The following ARMH4 variants were observed in gnomAD, a reference collection of about 807,000 sequenced individuals.
ARMH4 encodes the protein armadillo like helical domain containing 4, also known as armadillo-like helical domain-containing protein 4.
ARMH4 carries 49 observed loss-of-function variants against 61.9 expected under a neutral mutation model. The ratio of observed to expected loss-of-function variants is 0.79; its 90% CI spans 0.63 to 1.00. The LOEUF (loss-of-function observed/expected upper bound fraction) is 1.00, where lower values mean the gene tolerates loss of function less well. ARMH4 is among the 50% of genes least tolerant of loss of function. The pLI is 0.00. For missense variants in ARMH4, 934 were observed against 930.0 expected (o/e 1.00, Z -0.06); for synonymous variants, 368 against 341.5 (o/e 1.08, Z -0.85).
intron 4 of ARMH4, among the ~76,000 whole-genome samples, chr14:58,110,397 G>A (rs898238741): frequency 3.3e-5 from 5 of 152,062 alleles, no homozygotes; most frequent in African/African-American, 7.2e-5. Context: ...ATTAACTATA[G>A]TCACCATGTT....
At chr14:58,064,470 C>T (rs1884638376) in intron 5 of ARMH4, among the ~76,000 whole-genome samples, 1 of 152,166 alleles carries the variant, frequency 6.6e-6, no homozygotes, top group Non-Finnish European at 1.5e-5. Context: ...AAACACACAA[C>T]TATTTATACA....
intron 5 of ARMH4, among the ~76,000 whole-genome samples, chr14:58,058,362 A>G (rs1884417156): frequency 6.6e-6 from 1 of 152,202 alleles, no homozygotes; most frequent in East Asian, 1.9e-4. Flanking sequence ...CAAGTTTATT[A>G]AGAAAGTAAA....
intron 5 of ARMH4, among the ~76,000 whole-genome samples, chr14:58,023,917 A>G (rs1009813540): frequency 3.3e-5 from 5 of 152,108 alleles, no homozygotes; most frequent in African/African-American, 1.2e-4. Flanking sequence ...TTTTTCTGAG[A>G]GTAGGTCTCA....
chr14:58,012,155 G>A lies in ARMH4; in HGVS notation c.2090-5C>T. On this transcript the variant is annotated splice_region_variant and splice_polypyrimidine_tract_variant and intron_variant, in intron 5 of 7. Transcript: ENST00000267485. ...ATTTTTCCATCCAGCTTCTCACTAG[G>A]AAAAAAATAAGATAATAAAATGAAA... 1.5e-6 allele frequency: 2 copies of A among 1,346,776 alleles called. No individual in the cohort carries two copies. The highest frequency in any genetic ancestry group is 2.1e-6 in the Non-Finnish European group (2 of 965,594). The allele number at this position is 1,346,776 out of a possible 1,614,324, so 83.4% of individuals were successfully genotyped here.
intron 1 of ARMH4, among the ~76,000 whole-genome samples, chr14:58,142,206 T>C (rs1887587518): frequency 1.3e-5 from 2 of 152,202 alleles, no homozygotes; most frequent in South Asian, 4.1e-4. Context: ...AGTTTACATT[T>C]TTTTCTTGCT....
intron 4 of ARMH4, among the ~76,000 whole-genome samples, chr14:58,098,401 G>C (rs568813656): frequency 6.6e-6 from 1 of 152,164 alleles, no homozygotes; most frequent in Non-Finnish European, 1.5e-5. Context: ...CCTTCGTGGA[G>C]CCCATGTGCC....
chr14:58,079,184 A>G (rs758482801), intron 5 of ARMH4, among the ~76,000 whole-genome samples: 7 of 152,194 alleles, frequency 4.6e-5, no homozygotes, highest in Non-Finnish European at 1.0e-4. Context: ...CAGTATGGGC[A>G]TTGTCTTAGT....
chr14:58,032,748 A>T (rs1203797007), intron 5 of ARMH4, among the ~76,000 whole-genome samples: 1 of 152,080 alleles, frequency 6.6e-6, no homozygotes, highest in Non-Finnish European at 1.5e-5. Context: ...GGGAAGCGCA[A>T]GGGGTCAGGG....
intron 5 of ARMH4, among the ~76,000 whole-genome samples, chr14:58,023,657 G>T (rs2141151649): frequency 6.6e-6 from 1 of 152,230 alleles, no homozygotes; most frequent in African/African-American, 2.4e-5. Flanking sequence ...ATCCTTTCCA[G>T]AAGGTTTACA....
At chr14:58,128,594 C>G (rs1181331933) in intron 4 of ARMH4, among the ~76,000 whole-genome samples, 1 of 152,144 alleles carries the variant, frequency 6.6e-6, no homozygotes, top group African/African-American at 2.4e-5. Context: ...TGCATTTTTG[C>G]TGACAAGATA....
chr14:58,133,314 G>A lies in ARMH4; in HGVS notation c.1397C>T (p.Ala466Val). 1 of 1,613,752 alleles carries A rather than the reference G, an allele frequency of 6.2e-7. No individual in the cohort carries two copies. Among genetic ancestry groups the A allele is most frequent in the Non-Finnish European group, 8.5e-7 (1 of 1,179,976 alleles). Residue 466 changes from alanine (A) to valine (V), a missense_variant, in exon 3 of 8, where the codon GCT (alanine) becomes GTT (valine). Ala to Val is a moderately conservative substitution (Grantham distance 64, BLOSUM62 0). Transcript: ENST00000267485. ...KDIITQEMTT[A>V]VQEPDATLSM... Reference sequence around the variant, plus strand: ...TAAAGTGGCATCTGGCTCTTGAACAGCTGTTGTCATCTCTTGAGTGATGAT... The same window carrying A: ...TAAAGTGGCATCTGGCTCTTGAACAACTGTTGTCATCTCTTGAGTGATGAT...
At position 58,139,391 on chromosome 14, in the gene ARMH4, G is replaced by T; in HGVS notation, c.-33C>A. On this transcript the variant is annotated 5_prime_UTR_variant, in exon 2 of 8. Coordinates refer to ENST00000267485, the MANE Select transcript of ARMH4 (RefSeq NM_001001872.4). ...GAGAAATGGCACGTACACTGGCAGA[G>T]TTGACAAGTCCAGTAATTGAATCCT... The T allele has an allele frequency of 6.2e-7, 1 of 1,602,750 alleles. No homozygotes were observed. The highest frequency in any genetic ancestry group is 8.5e-7 in the Non-Finnish European group (1 of 1,172,328).
chr14:58,088,240 A>G (rs1011278402), intron 5 of ARMH4, among the ~76,000 whole-genome samples: 14 of 152,166 alleles, frequency 9.2e-5, no homozygotes, highest in Admixed American at 9.2e-4. Context: ...AAGCATATAG[A>G]TATTCTTCCC....
chr14:58,105,083 T>C (rs1437722449), intron 4 of ARMH4, among the ~76,000 whole-genome samples: 2 of 152,186 alleles, frequency 1.3e-5, no homozygotes. Context: ...AAATAAATAA[T>C]GATGTCATGA....
intron 5 of ARMH4, among the ~76,000 whole-genome samples, chr14:58,032,392 C>T (rs1434351967): frequency 6.6e-6 from 1 of 152,214 alleles, no homozygotes; most frequent in Non-Finnish European, 1.5e-5. Context: ...ATACTATCTA[C>T]AGGAGGGCTT....
intron 4 of ARMH4, among the ~76,000 whole-genome samples, chr14:58,129,262 G>A (rs781393926): frequency 2.1e-4 from 32 of 152,134 alleles, no homozygotes; most frequent in African/African-American, 4.6e-4. Flanking sequence ...GTTAGTTATC[G>A]CTTAAAGGAT....
At position 58,026,829 on chromosome 14, in the gene ARMH4, T is replaced by C. The variant is rs1036423456; in HGVS notation, c.2090-14679A>G. On this transcript the variant is annotated intron_variant, in intron 5 of 7. Transcript: ENST00000267485. ...GGGGGCTTCCACTGATAAAAAGCCA[T>C]GGCTTGAACATAGGGCAAAGGTAAA... Among the ~76,000 whole-genome samples the C allele has an allele frequency of 2.0e-5, 3 of 152,240 alleles. No homozygotes were observed. The East Asian group carries it at 5.8e-4, about 29-fold the overall frequency.
intron 5 of ARMH4, among the ~76,000 whole-genome samples, chr14:58,052,633 C>T (rs1241100567): frequency 6.6e-6 from 1 of 152,120 alleles, no homozygotes; most frequent in East Asian, 1.9e-4. Flanking sequence ...GTCTGACTTA[C>T]TCTACTTCAC....
intron 5 of ARMH4, among the ~76,000 whole-genome samples, chr14:58,045,665 A>G (rs1279742863): frequency 2.0e-5 from 3 of 152,210 alleles, no homozygotes; most frequent in African/African-American, 4.8e-5. Context: ...CCCTAAAAAT[A>G]TATGTTGATG....
Sources: gnomAD v4.1 joint callset for allele counts (sites outside exome capture counted in the v4.1 genomes callset) on GRCh38, gnomAD v4.1.1 for gene constraint, MANE v1.5 for transcripts, NCBI Gene and HGNC (gene_info 2026-07-23, HGNC 2026-07-21) for gene names.